Variants in PI4K2B observed in about 807,000 individuals in gnomAD.
PI4K2B encodes phosphatidylinositol 4-kinase type 2 beta.
Under a neutral mutation model 56.6 loss-of-function variants are expected in PI4K2B, and 46 were observed. The observed-to-expected ratio is 0.81, with a 90% CI of 0.64 to 1.04. The LOEUF (loss-of-function observed/expected upper bound fraction) is 1.04. Ranked by LOEUF, PI4K2B falls within the 50% of genes least tolerant of loss-of-function variation. The pLI, the probability that PI4K2B is intolerant of heterozygous loss-of-function variation, is 0.00. For synonymous variants in PI4K2B, 211 were observed against 223.8 expected (o/e 0.94, Z 0.51); for missense variants, 556 against 607.7 (o/e 0.91, Z 0.89).
At chr4:25,267,962 T>C (rs576002989) in intron 7 of PI4K2B, 4 of 558,750 alleles carry the variant, frequency 7.2e-6, no homozygotes, top group Non-Finnish European at 9.1e-6. Flanking sequence ...GATATGCATC[T>C]GTAGTTCCAG....
chr4:25,260,379 C>G, intron 5 of PI4K2B, 145 bp from the exon 6 acceptor site: 8 of 284,774 alleles, frequency 2.8e-5, no homozygotes, highest in East Asian at 7.4e-5. Flanking sequence ...TTTTTAGTTT[C>G]TTTGTGTTAA....
chr4:25,241,338 C>T (rs781524704), intron 1 of PI4K2B, among the ~76,000 whole-genome samples: 1 of 152,204 alleles, frequency 6.6e-6, no homozygotes, highest in Non-Finnish European at 1.5e-5. Flanking sequence ...CCCTTCGTAT[C>T]CCATTCTCCA....
At chr4:25,245,910 C>G (rs7664017) in intron 1 of PI4K2B, among the ~76,000 whole-genome samples, 61,560 of 151,936 alleles carry the variant, frequency 0.41, 15,442 homozygotes, top group Non-Finnish European at 0.56. Context: ...TCTGGGTCAT[C>G]AAAATGTGTC....
rs1264165142 is a variant in PI4K2B at position 25,279,055 on chromosome 4, G to T, written c.*1868G>T. The T allele has an allele frequency of 6.6e-6, 1 of 152,318 alleles. No homozygotes were observed. Among genetic ancestry groups the T allele is most frequent in the African/African-American group, 2.4e-5 (1 of 41,352 alleles). 9.4% of individuals were successfully genotyped at this position (152,318 alleles called of 1,614,324 possible). On this transcript the variant is annotated 3_prime_UTR_variant, in exon 10 of 10. Coordinates refer to ENST00000264864, the MANE Select transcript of PI4K2B (RefSeq NM_018323.4). ...AAGTATATTTATAGTGACAAATGTG[G>T]TAGACTAAAGGTAATAAAAATCATT...
intron 1 of PI4K2B, among the ~76,000 whole-genome samples, chr4:25,250,988 A>G (rs1052229772): frequency 2.8e-5 from 4 of 142,608 alleles, no homozygotes; most frequent in African/African-American, 1.0e-4. Context: ...AATATGGGAA[A>G]CGTAGGGATG....
chr4:25,240,785 C>T (rs534666339), intron 1 of PI4K2B, among the ~76,000 whole-genome samples: 16 of 152,294 alleles, frequency 1.1e-4, no homozygotes, highest in African/African-American at 3.6e-4. Context: ...CTTTCTGACT[C>T]TCTGACTTTG....
chr4:25,239,341 G>A (rs932154141), intron 1 of PI4K2B, among the ~76,000 whole-genome samples: 1 of 152,190 alleles, frequency 6.6e-6, no homozygotes, highest in Non-Finnish European at 1.5e-5. Context: ...CACAGCAGCA[G>A]GGGGAGGCTC....
intron 4 of PI4K2B, among the ~76,000 whole-genome samples, chr4:25,256,945 G>A (rs1716283207): frequency 6.7e-6 from 1 of 150,194 alleles, no homozygotes; most frequent in Non-Finnish European, 1.5e-5. Context: ...GGCTTATAAA[G>A]TAATGGGTAA....
At chr4:25,257,234 A>T (rs532242833) in intron 4 of PI4K2B, among the ~76,000 whole-genome samples, 208 of 151,464 alleles carry the variant, frequency 1.4e-3, no homozygotes, top group African/African-American at 4.7e-3. Flanking sequence ...ATTAAAAAAA[A>T]TTTTTTTTGT....
intron 7 of PI4K2B, among the ~76,000 whole-genome samples, chr4:25,264,183 C>T (rs1460321703): frequency 6.6e-6 from 1 of 152,112 alleles, no homozygotes; most frequent in African/African-American, 2.4e-5. Context: ...GTATTCACTT[C>T]TAAAACAATT....
intron 2 of PI4K2B, among the ~76,000 whole-genome samples, chr4:25,253,828 G>A (rs977923339): frequency 6.6e-6 from 1 of 152,206 alleles, no homozygotes; most frequent in Non-Finnish European, 1.5e-5. Context: ...CTGGAGTGCA[G>A]TAGCACAGTC....
intron 1 of PI4K2B, among the ~76,000 whole-genome samples, chr4:25,246,806 C>T (rs962295373): frequency 3.9e-5 from 6 of 152,330 alleles, no homozygotes; most frequent in South Asian, 2.1e-4. Context: ...AAATTGAGCG[C>T]AGCGCTGGCC....
In PI4K2B at chr4:25,277,375, A is replaced by G; in HGVS notation, c.*188A>G. The G allele has an allele frequency of 1.8e-6, 1 of 554,294 alleles. No homozygotes were observed. Among genetic ancestry groups the G allele is most frequent in the Non-Finnish European group, 2.9e-6 (1 of 340,954 alleles). The allele number at this position is 554,294 out of a possible 1,614,324, so 34.3% of individuals were successfully genotyped here. ...AAATATTAAATTTCTATTTCAGGGA[A>G]GAAGTGCTATATCTCCTATATTGTA... On this transcript the variant is annotated 3_prime_UTR_variant, in exon 10 of 10. Coordinates refer to ENST00000264864, the MANE Select transcript of PI4K2B (RefSeq NM_018323.4).
intron 2 of PI4K2B, among the ~76,000 whole-genome samples, chr4:25,253,089 A>G (rs547967545): frequency 1.3e-5 from 2 of 152,372 alleles, no homozygotes; most frequent in African/African-American, 2.4e-5. Flanking sequence ...ATGGAAGTCT[A>G]TAACCTTAAT....
chr4:25,247,244 A>C (rs189861165), intron 1 of PI4K2B, among the ~76,000 whole-genome samples: 177 of 152,342 alleles, frequency 1.2e-3, no homozygotes, highest in African/African-American at 4.1e-3. Flanking sequence ...TTAGCAGAGT[A>C]GATGTTCCAT....
chr4:25,276,804 T>TGTGTGTGTGTGTGC (rs1717112992), intron 9 of PI4K2B: 2 of 977,746 alleles, frequency 2.0e-6, no homozygotes, highest in African/African-American at 3.6e-5. Flanking sequence ...GCTAATTGTG[T>TGTGTGTGTGTGTGC]GTGTGTGTGT....
chr4:25,257,800 G>A (rs1002720971), intron 4 of PI4K2B, among the ~76,000 whole-genome samples: 2 of 152,292 alleles, frequency 1.3e-5, no homozygotes, highest in African/African-American at 4.8e-5. Flanking sequence ...CCTTAGACAT[G>A]CTGAAATAAG....
At chr4:25,261,790 C>A (rs1338228078) in intron 6 of PI4K2B, among the ~76,000 whole-genome samples, 1 of 151,924 alleles carries the variant, frequency 6.6e-6, no homozygotes, top group Non-Finnish European at 1.5e-5. Flanking sequence ...GAAAACAGAC[C>A]AGTAGCTGGA....
chr4:25,257,648 A>G (rs1716307876), intron 4 of PI4K2B, among the ~76,000 whole-genome samples: 1 of 152,186 alleles, frequency 6.6e-6, no homozygotes, highest in Non-Finnish European at 1.5e-5. Context: ...TTAGAAATGT[A>G]TTTGGCTTAT....
Sources: gnomAD v4.1 joint callset for allele counts (sites outside exome capture counted in the v4.1 genomes callset) on GRCh38, gnomAD v4.1.1 for gene constraint, MANE v1.5 for transcripts, NCBI Gene and HGNC (gene_info 2026-07-23, HGNC 2026-07-21) for gene names.